CYFIP1: variants seen among roughly 807,000 people sequenced by gnomAD.
CYFIP1 encodes cytoplasmic FMR1-interacting protein 1.
CYFIP1 carries 58 observed loss-of-function variants against 163.5 expected under a neutral mutation model. The ratio of observed to expected loss-of-function variants is 0.35; its 90% CI spans 0.29 to 0.44. The LOEUF (loss-of-function observed/expected upper bound fraction) is 0.44, where lower values mean the gene tolerates loss of function less well. Among genes scored for constraint, CYFIP1 ranks in the 20% least tolerant of loss-of-function variants. The probability of loss-of-function intolerance (pLI) is 1.00; values close to 1 mark genes in which losing one functional copy is unlikely to be tolerated. For synonymous variants in CYFIP1, 663 were observed against 660.7 expected, an observed-to-expected ratio of 1.00 and a Z score of -0.05; for missense variants, 1,338 against 1,653.8, an observed-to-expected ratio of 0.81 and a Z score of 3.31.
intron 1 of CYFIP1, among the ~76,000 whole-genome samples, chr15:22,966,777 C>A (rs1395650819): frequency 6.6e-6 from 1 of 151,664 alleles, no homozygotes; most frequent in Non-Finnish European, 1.5e-5. Flanking sequence ...AGAAAGGGAA[C>A]CCGCTTGGCA....
chr15:22,925,789 C>T (rs951170384), intron 13 of CYFIP1, among the ~76,000 whole-genome samples, 193 bp downstream of exon 13: 3 of 152,148 alleles, frequency 2.0e-5, no homozygotes, highest in African/African-American at 7.2e-5. Flanking sequence ...CAGGGAGCTT[C>T]AGTGCAGACC....
chr15:22,879,109 C>T (rs112658094), intron 26 of CYFIP1, among the ~76,000 whole-genome samples: 134 of 149,922 alleles, frequency 8.9e-4, no homozygotes, highest in Admixed American at 2.5e-3. Context: ...GCACTCCAGC[C>T]GGGGTGACAG....
chr15:22,888,292 A>G (rs1177489300), intron 23 of CYFIP1, among the ~76,000 whole-genome samples: 1 of 152,202 alleles, frequency 6.6e-6, no homozygotes, highest in African/African-American at 2.4e-5. Context: ...CACGTGGCAT[A>G]TGTGAGTGCT....
At chr15:22,915,058 C>T (rs2060923854) in intron 16 of CYFIP1, 176 bp from the exon 17 acceptor site, 1 of 521,824 alleles carries the variant, frequency 1.9e-6, no homozygotes, top group South Asian at 3.5e-5. Flanking sequence ...ACAGGACCAG[C>T]TGGGCATAGC....
intron 18 of CYFIP1, among the ~76,000 whole-genome samples, chr15:22,911,029 G>A (rs966845563): frequency 2.6e-5 from 4 of 152,068 alleles, no homozygotes; most frequent in Non-Finnish European, 4.4e-5. Flanking sequence ...AGCCTCCTGA[G>A]TAGCTGGGAT....
intron 8 of CYFIP1, 36 bp from the exon 9 acceptor site, chr15:22,937,244 C>T (rs780581317): frequency 1.5e-6 from 2 of 1,311,776 alleles, no homozygotes; most frequent in African/African-American, 2.9e-5. Flanking sequence ...CGACAAAGCT[C>T]AGAACTGAGA....
chr15:22,910,977 T>C (rs1473323374), intron 18 of CYFIP1, among the ~76,000 whole-genome samples, 164 bp from the exon 19 acceptor site: 1 of 151,768 alleles, frequency 6.6e-6, no homozygotes, highest in African/African-American at 2.4e-5. Context: ...TAGTGCGATC[T>C]TGGCTCACTG....
chr15:22,874,673 T>A (rs868369997), intron 27 of CYFIP1, 29 bp from the exon 28 acceptor site: 1 of 1,490,706 alleles, frequency 6.7e-7, no homozygotes, highest in Middle Eastern at 1.8e-4. Flanking sequence ...TTTACTATAT[T>A]CTGCTCCTTT....
chr15:22,874,273 T>G (rs1156698278), intron 28 of CYFIP1, among the ~76,000 whole-genome samples: 1 of 152,222 alleles, frequency 6.6e-6, no homozygotes, highest in East Asian at 1.9e-4. Flanking sequence ...TGGGAAAGCC[T>G]TCTTCATGAA....
rs1479312349 is a variant in CYFIP1, at chr15:22,870,039, C to T, written c.3751G>A (p.Ala1251Thr). 9 of 1,603,362 alleles carry T rather than the reference C, an allele frequency of 5.6e-6. No homozygotes were observed. Among genetic ancestry groups the T allele is most frequent in the African/African-American group, 2.7e-5 (2 of 74,230 alleles). The change falls in exon 31 of 31, where the codon GCC becomes ACC. Residue 1251 changes from alanine to threonine, a missense_variant. This residue lies in a region of CYFIP1 where 306 missense variants were observed against 322.1 expected (regional missense o/e 0.95). Coordinates refer to ENST00000617928, the MANE Select transcript of CYFIP1 (RefSeq NM_014608.6). The part of the protein sequence containing the change: ...CFQPPIHQSL[A>T]SS ...TGCAGCGCGTGCCCTCAGCTGCTGGCGAGGGACTGGTGGATGGGCGGCTGG... is the reference window on the plus strand; with the variant it reads ...TGCAGCGCGTGCCCTCAGCTGCTGGTGAGGGACTGGTGGATGGGCGGCTGG...
At chr15:22,956,824 C>T (rs926930175) in intron 1 of CYFIP1, among the ~76,000 whole-genome samples, 3 of 152,232 alleles carry the variant, frequency 2.0e-5, no homozygotes, top group Admixed American at 6.5e-5. Context: ...CACACAGGGA[C>T]AACGTGCACT....
At chr15:22,974,021 A>G (rs1364924426) in intron 1 of CYFIP1, among the ~76,000 whole-genome samples, 1 of 152,186 alleles carries the variant, frequency 6.6e-6, no homozygotes, top group Non-Finnish European at 1.5e-5. Flanking sequence ...AAGGCAAAAG[A>G]TAACAAGTGT....
At chr15:22,873,232 T>C (rs1386295986) in intron 29 of CYFIP1, among the ~76,000 whole-genome samples, 3 of 152,216 alleles carry the variant, frequency 2.0e-5, no homozygotes. Context: ...AATGACTCTA[T>C]GGACCTCCCA....
chr15:22,933,733 G>T (rs2061611930), intron 10 of CYFIP1, 69 bp downstream of exon 10: 1 of 1,110,600 alleles, frequency 9.0e-7, no homozygotes, highest in Non-Finnish European at 1.4e-6. Context: ...AAATAAGCAG[G>T]ATGTTTGAAA....
At position 22,932,274 on chromosome 15, in the gene CYFIP1, G is replaced by A. The variant is rs201907927; in HGVS notation, c.1059C>T (p.Arg353=). ...YNICEQMIQI[R]EDHMRFISEL... Reference sequence around the variant, plus strand: ...CCGAAATGAAGCGCATGTGGTCCTCGCGGATCTGGATCATCTGCTCGCAGA... The same window carrying A: ...CCGAAATGAAGCGCATGTGGTCCTCACGGATCTGGATCATCTGCTCGCAGA... Residue 353 remains arginine, a synonymous_variant, in exon 11 of 31, where the codon CGC becomes CGT. Transcript: ENST00000617928. 1.4e-4 allele frequency: 219 copies of A among 1,613,208 alleles called. 3 individuals carry two copies. Among genetic ancestry groups the A allele is most frequent in the Non-Finnish European group, 1.3e-4 (151 of 1,179,664 alleles).
rs146616775 is a variant in CYFIP1 at position 22,971,038 on chromosome 15, C to A, written c.-7+9249G>T. On this transcript the variant is annotated intron_variant, in intron 1 of 30. Transcript: ENST00000617928. Reference sequence around the variant, plus strand: ...TTGCAGTGAGCCGAGATTGCGCCACCGCACTCCAGCCTGGGCGACAGAGCA... The same window carrying A: ...TTGCAGTGAGCCGAGATTGCGCCACAGCACTCCAGCCTGGGCGACAGAGCA... 9.3e-3 allele frequency among the ~76,000 whole-genome samples: 1,407 copies of A among 151,890 alleles called. 22 individuals are homozygous for A. Among genetic ancestry groups the A allele is most frequent in the African/African-American group, 0.032 (1,320 of 41,388 alleles).
In CYFIP1 at chr15:22,935,920, C is replaced by T. The variant is rs113056363; in HGVS notation, c.900+1184G>A. Among the ~76,000 whole-genome samples, 588 of 152,224 alleles carry T rather than the reference C, an allele frequency of 3.9e-3. 4 individuals carry two copies. The highest frequency in any genetic ancestry group is 8.9e-3 in the Admixed American group (136 of 15,284). ...ATACAATTTTTACTTGTCAATTACA[C>T]CTTGATAAAGCTGGGAAAAAGTGAA... On this transcript the variant is annotated intron_variant, in intron 9 of 30. Coordinates refer to ENST00000617928, the MANE Select transcript of CYFIP1 (RefSeq NM_014608.6).
In CYFIP1 at chr15:22,868,787, T is replaced by A. The variant is rs1335449637; in HGVS notation, c.*1241A>T. On this transcript the variant is annotated 3_prime_UTR_variant, in exon 31 of 31. Coordinates refer to ENST00000617928, the MANE Select transcript of CYFIP1 (RefSeq NM_014608.6). ...ATGGCAACTTGGCATCCATAGAAAA[T>A]TTTAAAATTGGTGAAGGTTGCAATA... The A allele has an allele frequency of 6.6e-6, 1 of 152,098 alleles. No homozygotes were observed. The highest frequency in any genetic ancestry group is 1.5e-5 in the Non-Finnish European group (1 of 67,998). 9.4% of individuals were successfully genotyped at this position (152,098 alleles called of 1,614,324 possible). A position where few individuals can be genotyped will look rare whatever the true frequency, so the allele number is the denominator to read the frequency against.
At chr15:22,922,899 G>A (rs1416909924) in intron 13 of CYFIP1, among the ~76,000 whole-genome samples, 1 of 152,000 alleles carries the variant, frequency 6.6e-6, no homozygotes, top group Admixed American at 6.6e-5. Flanking sequence ...GGCTGAAGCA[G>A]GAGAATTGCT....
Sources: allele counts gnomAD v4.1 joint callset (sites outside exome capture counted in the v4.1 genomes callset), GRCh38; gene constraint gnomAD v4.1.1; regional missense constraint gnomAD v4.1.1; transcripts MANE v1.5; gene names NCBI Gene and HGNC (gene_info 2026-07-23, HGNC 2026-07-21).